Variants in PTGES3 observed in about 807,000 individuals in gnomAD.
PTGES3 encodes prostaglandin E synthase 3.
PTGES3 carries 5 observed loss-of-function variants against 29.9 expected under a neutral mutation model. The observed-to-expected ratio is 0.17, with a 90% CI of 0.09 to 0.35. The LOEUF is 0.35. Among genes scored for constraint, PTGES3 ranks in the 10% least tolerant of loss-of-function variants. PTGES3 has a pLI of 1.00. For synonymous variants in PTGES3, 49 were observed against 57.8 expected (o/e 0.85, Z 0.69); for missense variants, 128 against 190.0 (o/e 0.67, Z 1.92).
intron 1 of PTGES3, among the ~76,000 whole-genome samples, chr12:56,678,072 A>T (rs906211414): frequency 6.9e-6 from 1 of 145,948 alleles, no homozygotes; most frequent in African/African-American, 2.6e-5. Context: ...AAGGTGTTTG[A>T]TACCTAAGAA....
At chr12:56,684,391 T>C (rs1240143339) in intron 1 of PTGES3, among the ~76,000 whole-genome samples, 1 of 152,152 alleles carries the variant, frequency 6.6e-6, no homozygotes, top group African/African-American at 2.4e-5. Context: ...GCACAGGAAA[T>C]CAATACTGAA....
chr12:56,669,937 C>CA (rs1420597008), intron 5 of PTGES3, among the ~76,000 whole-genome samples: 1 of 133,278 alleles, frequency 7.5e-6, no homozygotes, highest in East Asian at 2.3e-4. Context: ...TTTATGACTT[C>CA]AAAATCCAAG....
intron 1 of PTGES3, among the ~76,000 whole-genome samples, chr12:56,673,552 G>A (rs1952092371): frequency 6.7e-6 from 1 of 148,174 alleles, no homozygotes; most frequent in South Asian, 2.1e-4. Context: ...CCAGCACTTT[G>A]GGAGGCTGAG....
At chr12:56,673,773 C>T (rs1361489218) in intron 1 of PTGES3, among the ~76,000 whole-genome samples, 6 of 117,410 alleles carry the variant, frequency 5.1e-5, no homozygotes, top group African/African-American at 2.0e-4. Context: ...AGCCTGGCAA[C>T]AGAGCGAGAC....
intron 4 of PTGES3, among the ~76,000 whole-genome samples, chr12:56,671,142 T>C (rs559989749): frequency 4.0e-4 from 61 of 152,086 alleles, no homozygotes; most frequent in African/African-American, 1.4e-3. Context: ...CTCATGCCTG[T>C]AGTCCCAGCA....
At position 56,664,614 on chromosome 12, in the gene PTGES3, A is replaced by T. The variant is rs975868319; in HGVS notation, c.464-116T>A. On this transcript the variant is annotated intron_variant, in intron 7 of 7. Transcript: ENST00000262033. ...ATACATAGTTGCCCAATGAATTAAT[A>T]GGTTGTCTTGCTATCAAGTTATTCA... 2.7e-5 allele frequency: 37 copies of T among 1,379,186 alleles called. No individual in the cohort carries two copies. The African/African-American group carries it at 5.1e-4, about 19-fold the overall frequency. 85.4% of individuals were successfully genotyped at this position (1,379,186 alleles called of 1,614,324 possible). A position where few individuals can be genotyped will look rare whatever the true frequency, so the allele number is the denominator to read the frequency against.
chr12:56,686,426 T>G (rs932401397), intron 1 of PTGES3, among the ~76,000 whole-genome samples: 1 of 152,050 alleles, frequency 6.6e-6, no homozygotes, highest in Non-Finnish European at 1.5e-5. Flanking sequence ...CAGGCTGGAG[T>G]GCAATGGCAT....
intron 5 of PTGES3, among the ~76,000 whole-genome samples, chr12:56,668,958 T>C (rs1951887497): frequency 6.6e-6 from 1 of 151,108 alleles, no homozygotes; most frequent in South Asian, 2.1e-4. Flanking sequence ...AAAACAGACT[T>C]TCTTAAACTT....
At chr12:56,687,465 G>A (rs1433942653) in intron 1 of PTGES3, 2 of 989,440 alleles carry the variant, frequency 2.0e-6, no homozygotes, top group Non-Finnish European at 2.4e-6. Flanking sequence ...TTGCGGCGTG[G>A]GCATGGCTTC....
chr12:56,675,160 C>T (rs974808487), intron 1 of PTGES3, among the ~76,000 whole-genome samples: 4 of 151,626 alleles, frequency 2.6e-5, no homozygotes, highest in South Asian at 2.1e-4. Context: ...ATTAGCTGGG[C>T]GTGGTGGCAC....
At chr12:56,683,580 G>A (rs1952666175) in intron 1 of PTGES3, among the ~76,000 whole-genome samples, 1 of 150,648 alleles carries the variant, frequency 6.6e-6, no homozygotes, top group Non-Finnish European at 1.5e-5. Flanking sequence ...AACCCAGAAG[G>A]CGGAGGTTGC....
chr12:56,687,613 G>C, intron 1 of PTGES3: 1 of 1,113,518 alleles, frequency 9.0e-7, no homozygotes, highest in Non-Finnish European at 1.1e-6. Flanking sequence ...CAAAGCAACA[G>C]AACCGGAGCG....
chr12:56,686,386 ATTTT>A (rs1003352719), intron 1 of PTGES3, among the ~76,000 whole-genome samples: 2 of 112,006 alleles, frequency 1.8e-5, no homozygotes, highest in African/African-American at 6.2e-5. Flanking sequence ...TTATTTATTT[ATTTT>A]GAGACGGGTT....
At chr12:56,672,134 A>C (rs1220642853) in intron 3 of PTGES3, among the ~76,000 whole-genome samples, 1 of 152,180 alleles carries the variant, frequency 6.6e-6, no homozygotes. Flanking sequence ...TGCACACGAT[A>C]AACAGAATAA....
At chr12:56,669,350 G>A (rs1300724852) in intron 5 of PTGES3, among the ~76,000 whole-genome samples, 3 of 151,946 alleles carry the variant, frequency 2.0e-5, no homozygotes, top group African/African-American at 7.2e-5. Flanking sequence ...GCACCACTAC[G>A]CCCAGCTAAT....
intron 3 of PTGES3, 39 bp downstream of exon 3, chr12:56,672,701 C>T (rs1195214252): frequency 6.6e-7 from 1 of 1,504,310 alleles, no homozygotes; most frequent in African/African-American, 1.4e-5. Context: ...TCTGTTTCCT[C>T]ACAACTAAAA....
chr12:56,682,532 G>A (rs1437856792), intron 1 of PTGES3, among the ~76,000 whole-genome samples: 2 of 151,948 alleles, frequency 1.3e-5, no homozygotes, highest in African/African-American at 4.8e-5. Context: ...CTCCAGCCTG[G>A]GCAAAGTAGT....
chr12:56,683,554 G>A (rs1218158422), intron 1 of PTGES3, among the ~76,000 whole-genome samples: 1 of 149,932 alleles, frequency 6.7e-6, no homozygotes, highest in African/African-American at 2.5e-5. Flanking sequence ...AGGAAGCTGA[G>A]GCAGAGAACT....
intron 7 of PTGES3, 109 bp downstream of exon 7, chr12:56,664,667 G>A: frequency 4.2e-6 from 6 of 1,429,898 alleles, no homozygotes; most frequent in Non-Finnish European, 4.8e-6. Flanking sequence ...TTTATTCAAG[G>A]TCATAAAGAA....
Sources: allele counts gnomAD v4.1 joint callset (sites outside exome capture counted in the v4.1 genomes callset), GRCh38; gene constraint gnomAD v4.1.1; transcripts MANE v1.5; gene names NCBI Gene and HGNC (gene_info 2026-07-23, HGNC 2026-07-21).